The following PRTFDC1 variants were observed in gnomAD, a reference collection of about 807,000 sequenced individuals.
The protein encoded by PRTFDC1 is phosphoribosyl transferase domain containing 1.
PRTFDC1 carries 38 observed loss-of-function variants against 34.6 expected under a neutral mutation model. That is an observed-to-expected ratio of 1.10 (90% CI 0.85 to 1.44). PRTFDC1 has a LOEUF of 1.44. Among genes scored for constraint, PRTFDC1 ranks in the 40% most tolerant of loss-of-function variants. PRTFDC1 has a pLI of 0.00. For synonymous variants in PRTFDC1, 93 were observed against 98.1 expected (o/e 0.95, Z 0.31); for missense variants, 270 against 283.0 (o/e 0.95, Z 0.33).
chr10:24,886,722 C>T (rs938857439), intron 3 of PRTFDC1, among the ~76,000 whole-genome samples: 1 of 152,158 alleles, frequency 6.6e-6, no homozygotes, highest in African/African-American at 2.4e-5. Flanking sequence ...AGAGATCCTC[C>T]TGCCTCAGTC....
chr10:24,937,555 C>T (rs76819862), intron 2 of PRTFDC1, among the ~76,000 whole-genome samples, 188 bp from the exon 3 acceptor site: 3 of 138,998 alleles, frequency 2.2e-5, no homozygotes, highest in Admixed American at 7.2e-5. Context: ...AAACATACTG[C>T]TTTTTTTTTT....
At chr10:24,910,231 C>T (rs142531420) in intron 3 of PRTFDC1, among the ~76,000 whole-genome samples, 9 of 152,158 alleles carry the variant, frequency 5.9e-5, no homozygotes, top group African/African-American at 2.2e-4. Flanking sequence ...AAATTAAGAA[C>T]AATCAGAATC....
chr10:24,875,257 G>A (rs927880892), intron 3 of PRTFDC1, among the ~76,000 whole-genome samples: 1 of 152,162 alleles, frequency 6.6e-6, no homozygotes, highest in Non-Finnish European at 1.5e-5. Context: ...ATCATTTCTT[G>A]TGTTGAGAAC....
intron 3 of PRTFDC1, among the ~76,000 whole-genome samples, chr10:24,920,683 TTAAAA>T (rs1435461794): frequency 1.3e-5 from 2 of 152,200 alleles, no homozygotes; most frequent in African/African-American, 2.4e-5. Context: ...ATCCTGGAAC[TTAAAA>T]TAAAATTCAA....
chr10:24,935,504 T>C (rs1849035447), intron 3 of PRTFDC1, among the ~76,000 whole-genome samples: 1 of 152,178 alleles, frequency 6.6e-6, no homozygotes, highest in South Asian at 2.1e-4. Flanking sequence ...GCTCTAGAAC[T>C]GAGGCAACTG....
At chr10:24,852,251 C>G (rs1316304160) in intron 7 of PRTFDC1, among the ~76,000 whole-genome samples, 1 of 151,906 alleles carries the variant, frequency 6.6e-6, no homozygotes, top group East Asian at 1.9e-4. Context: ...CACCAGGGTT[C>G]AAGCCATTCT....
chr10:24,894,003 A>G (rs2148269), intron 3 of PRTFDC1, among the ~76,000 whole-genome samples: 25,431 of 152,158 alleles, frequency 0.17, 2,434 homozygotes, highest in East Asian at 0.28. Flanking sequence ...TTGTCTCCTG[A>G]TAACATTACT....
At chr10:24,912,816 C>T (rs1848645596) in intron 3 of PRTFDC1, among the ~76,000 whole-genome samples, 1 of 152,132 alleles carries the variant, frequency 6.6e-6, no homozygotes, top group Non-Finnish European at 1.5e-5. Flanking sequence ...CGTGATCCAT[C>T]AGCTCTCACC....
chr10:24,856,531 T>C (rs1213270849), intron 6 of PRTFDC1, among the ~76,000 whole-genome samples: 1 of 152,104 alleles, frequency 6.6e-6, no homozygotes, highest in Non-Finnish European at 1.5e-5. Flanking sequence ...GAGGTTGCAG[T>C]GAGCCGAGAT....
intron 3 of PRTFDC1, among the ~76,000 whole-genome samples, chr10:24,928,524 ACC>A (rs1848915772): frequency 6.6e-6 from 1 of 151,978 alleles, no homozygotes; most frequent in South Asian, 2.1e-4. Flanking sequence ...ACTCACTGCA[ACC>A]TCCACCTCCC....
intron 3 of PRTFDC1, among the ~76,000 whole-genome samples, chr10:24,894,454 C>T (rs1308173167): frequency 6.6e-6 from 1 of 152,126 alleles, no homozygotes; most frequent in Non-Finnish European, 1.5e-5. Context: ...GGATGCTGAC[C>T]ACTGACCATC....
chr10:24,873,735 C>G (rs75453754), intron 3 of PRTFDC1, among the ~76,000 whole-genome samples: 1 of 152,056 alleles, frequency 6.6e-6, no homozygotes, highest in African/African-American at 2.4e-5. Context: ...TGGATTCTCT[C>G]ACTTGTAACT....
At position 24,920,668 on chromosome 10, in the gene PRTFDC1, C is replaced by A. The variant is rs113798457; in HGVS notation, c.339+16516G>T. ...ATGTAACAAACCTGCACGTCCTGCACATGTATCCTGGAACTTAAAATAAAA... is the reference window on the plus strand; with the variant it reads ...ATGTAACAAACCTGCACGTCCTGCAAATGTATCCTGGAACTTAAAATAAAA... On this transcript the variant is annotated intron_variant, in intron 3 of 8. Transcript: ENST00000320152. Among the ~76,000 whole-genome samples the A allele has an allele frequency of 8.2e-3, 1,250 of 152,154 alleles. 13 individuals are homozygous for A. Among genetic ancestry groups the A allele is most frequent in the African/African-American group, 0.028 (1,177 of 41,498 alleles).
intron 3 of PRTFDC1, among the ~76,000 whole-genome samples, chr10:24,909,629 G>T (rs926641803): frequency 9.2e-5 from 14 of 152,008 alleles, no homozygotes; most frequent in Admixed American, 1.3e-4. Context: ...CCCCTTGTTC[G>T]AATAGTTAAA....
At chr10:24,931,801 G>C (rs1485007457) in intron 3 of PRTFDC1, among the ~76,000 whole-genome samples, 3 of 151,034 alleles carry the variant, frequency 2.0e-5, no homozygotes, top group Non-Finnish European at 4.4e-5. Flanking sequence ...AGACGAATTA[G>C]TACTAATTCT....
intron 3 of PRTFDC1, among the ~76,000 whole-genome samples, chr10:24,925,603 C>G: frequency 6.6e-6 from 1 of 152,166 alleles, no homozygotes; most frequent in South Asian, 2.1e-4. Context: ...TTTCATGGGA[C>G]CAGCAAGCTT....
At position 24,880,255 on chromosome 10, in the gene PRTFDC1, TC is replaced by T. The variant is rs1443808045; in HGVS notation, c.340-8193del. Among the ~76,000 whole-genome samples the T allele has an allele frequency of 2.8e-3, 428 of 151,824 alleles. 5 individuals are homozygous for T. The highest frequency in any genetic ancestry group is 0.01 in the African/African-American group (414 of 41,366). ...CTTTAGTATTTTTTTTTCTTTTTTTTCTTTTTTTTTTTGTTGAGACAGAGTC... is the reference window on the plus strand; with the variant it reads ...CTTTAGTATTTTTTTTTCTTTTTTTTTTTTTTTTTTTGTTGAGACAGAGTC... On this transcript the variant is annotated intron_variant, in intron 3 of 8. Transcript: ENST00000320152.
chr10:24,862,193 T>A lies in PRTFDC1; in HGVS notation c.406-3784A>T, dbSNP rs531942604. 3.1e-4 allele frequency among the ~76,000 whole-genome samples: 47 copies of A among 152,280 alleles called. 1 individual carries two copies. Among genetic ancestry groups the A allele is most frequent in the African/African-American group, 1.0e-3 (43 of 41,564 alleles). ...TATGTATAGCCAAACTATTATAACA[T>A]CCAACAAAAATGATGATAATTTCTT... On this transcript the variant is annotated intron_variant, in intron 4 of 8. Coordinates refer to ENST00000320152, the MANE Select transcript of PRTFDC1 (RefSeq NM_020200.7).
At chr10:24,921,841 T>C (rs904971670) in intron 3 of PRTFDC1, among the ~76,000 whole-genome samples, 1 of 152,172 alleles carries the variant, frequency 6.6e-6, no homozygotes, top group African/African-American at 2.4e-5. Context: ...TGTAAGCATG[T>C]TGAATTACCT....
Sources: gnomAD v4.1 joint callset for allele counts (sites outside exome capture counted in the v4.1 genomes callset) on GRCh38, gnomAD v4.1.1 for gene constraint, MANE v1.5 for transcripts, NCBI Gene and HGNC (gene_info 2026-07-23, HGNC 2026-07-21) for gene names.